The following CNIH3 variants were observed in gnomAD, a reference collection of about 807,000 sequenced individuals.
The protein encoded by CNIH3 is protein cornichon homolog 3.
In CNIH3, 14 loss-of-function variants were observed where a neutral mutation model predicts 24.1. That is an observed-to-expected ratio of 0.58 (90% CI 0.38 to 0.91). The LOEUF (loss-of-function observed/expected upper bound fraction) is 0.91, where lower values mean the gene tolerates loss of function less well. CNIH3 is among the 40% of genes least tolerant of loss of function. The pLI, the probability that CNIH3 is intolerant of heterozygous loss-of-function variation, is 0.00. For missense variants in CNIH3, 178 were observed against 196.8 expected (o/e 0.90, Z 0.57); for synonymous variants, 68 against 73.8 (o/e 0.92, Z 0.40).
chr1:224,490,234 T>C (rs1268317072), intron 1 of CNIH3, among the ~76,000 whole-genome samples: 5 of 152,228 alleles, frequency 3.3e-5, no homozygotes, highest in African/African-American at 1.2e-4. Flanking sequence ...GGTGTTTTTC[T>C]TGTGTGATAT....
Position 224,616,522 on chromosome 1 carries a change from GGCGCGCCTCGGA to G in CNIH3, c.-648_-637del. The G allele has an allele frequency of 1.0e-6, 1 of 987,242 alleles. No individual in the cohort carries two copies. The highest frequency in any genetic ancestry group is 1.2e-6 in the Non-Finnish European group (1 of 830,948). The allele number at this position is 987,242 out of a possible 1,614,324, so 61.2% of individuals were successfully genotyped here. On this transcript the variant is annotated 5_prime_UTR_variant, in exon 1 of 6. Transcript: ENST00000272133. ...CTGGCCGGAGTCACGGTTGGGGACG[GGCGCGCCTCGGA>G]GCGCACGGCTGCGCTGGAAGCCGCG...
In CNIH3 at chr1:224,546,486, A is replaced by T. The variant is rs542163402; in HGVS notation, n.340-343A>T. On this transcript the variant is annotated intron_variant and non_coding_transcript_variant, in intron 2 of 5. Transcript: ENST00000471578. ...TGTAGTCAACCTGGAGGGGGTAATGAATGCTGAGCAGCGTCAGGGGAAATT... is the reference window on the plus strand; with the variant it reads ...TGTAGTCAACCTGGAGGGGGTAATGTATGCTGAGCAGCGTCAGGGGAAATT... 3.9e-5 allele frequency among the ~76,000 whole-genome samples: 6 copies of T among 152,252 alleles called. No individual in the cohort carries two copies. In the South Asian group the frequency reaches 1.2e-3, roughly 32 times the overall value.
At chr1:224,730,425 C>T (rs1011872189) in intron 3 of CNIH3, 37 bp from the exon 4 acceptor site, 32 of 1,379,622 alleles carry the variant, frequency 2.3e-5, no homozygotes, top group Non-Finnish European at 2.7e-5. Context: ...GCGTTTTCCT[C>T]CTCTAACTCA....
intron 4 of CNIH3, chr1:224,574,620 C>T (rs1485486561): frequency 3.5e-6 from 3 of 852,596 alleles, no homozygotes; most frequent in Non-Finnish European, 6.2e-6. Context: ...TCGGGAGAAG[C>T]TCAGGGAGCA....
intron 1 of CNIH3, among the ~76,000 whole-genome samples, chr1:224,650,338 C>T (rs952949562): frequency 1.3e-5 from 2 of 152,074 alleles, no homozygotes; most frequent in Admixed American, 1.3e-4. Context: ...TCTCTGGACT[C>T]GATCAAGCAG....
At chr1:224,670,222 G>A (rs1685798194) in intron 1 of CNIH3, among the ~76,000 whole-genome samples, 1 of 152,122 alleles carries the variant, frequency 6.6e-6, no homozygotes, top group Admixed American at 6.5e-5. Context: ...ATGGAGCCGG[G>A]GTGGTCCATT....
At chr1:224,463,773 A>ATTTATTTAT (rs1676034230) in intron 1 of CNIH3, among the ~76,000 whole-genome samples, 3 of 20,706 alleles carry the variant, frequency 1.4e-4, no homozygotes, top group Admixed American at 8.9e-4. Context: ...AATTGTCCTC[A>ATTTATTTAT]TTTTTTTTTT....
At chr1:224,713,593 A>G (rs939776333) in intron 3 of CNIH3, among the ~76,000 whole-genome samples, 19 of 152,212 alleles carry the variant, frequency 1.2e-4, no homozygotes, top group Non-Finnish European at 2.5e-4. Context: ...TGCAAGGAAT[A>G]CATATGATAA....
Position 224,739,900 on chromosome 1 carries a change from G to A in CNIH3, c.*544G>A, listed in dbSNP as rs867491761. Reference sequence around the variant, plus strand: ...TTTCTCAAATGGGAGGGGCTGGAGGGTGTGTGGGATTTGTCTTCAGCTGCA... The same window carrying A: ...TTTCTCAAATGGGAGGGGCTGGAGGATGTGTGGGATTTGTCTTCAGCTGCA... On this transcript the variant is annotated 3_prime_UTR_variant, in exon 6 of 6. Coordinates refer to ENST00000272133, the MANE Select transcript of CNIH3 (RefSeq NM_152495.2). 1 of 152,960 alleles carries A rather than the reference G, an allele frequency of 6.5e-6. No homozygotes were observed. Among genetic ancestry groups the A allele is most frequent in the Non-Finnish European group, 1.5e-5 (1 of 68,668 alleles). 9.5% of individuals were successfully genotyped at this position (152,960 alleles called of 1,614,324 possible).
intron 5 of CNIH3, among the ~76,000 whole-genome samples, chr1:224,737,993 G>A (rs756646805): frequency 2.6e-5 from 4 of 152,218 alleles, no homozygotes; most frequent in Non-Finnish European, 5.9e-5. Context: ...CCACCCTCCT[G>A]CGTGGTTATT....
chr1:224,625,108 T>TGG (rs942738290), intron 1 of CNIH3, among the ~76,000 whole-genome samples: 1 of 152,182 alleles, frequency 6.6e-6, no homozygotes, highest in African/African-American at 2.4e-5. Context: ...GTGTCCAGCA[T>TGG]GGGGCAGTAT....
chr1:224,729,031 G>T (rs887809988), intron 3 of CNIH3, among the ~76,000 whole-genome samples: 1 of 152,150 alleles, frequency 6.6e-6, no homozygotes. Flanking sequence ...GTACCCCTGG[G>T]AGGGGGTCAG....
intron 1 of CNIH3, among the ~76,000 whole-genome samples, chr1:224,641,187 C>T (rs1684342493): frequency 6.6e-6 from 1 of 152,182 alleles, no homozygotes; most frequent in African/African-American, 2.4e-5. Flanking sequence ...CGGCACTACC[C>T]TGCTGCTGCC....
rs373350888 is a variant in CNIH3, at chr1:224,449,941, ACCAT to A, written n.203+15084_203+15087del. ...TGAATGGATTCTTCCATTCATCCAA[ACCAT>A]CCATTCATTCTTTCAACACACACAC... On this transcript the variant is annotated intron_variant and non_coding_transcript_variant, in intron 1 of 5. Transcript: ENST00000471578. 7.2e-3 allele frequency among the ~76,000 whole-genome samples: 1,094 copies of A among 151,816 alleles called. 10 individuals are homozygous for A. Among genetic ancestry groups the A allele is most frequent in the African/African-American group, 0.025 (1,028 of 41,366 alleles).
chr1:224,529,509 T>C (rs1678979147), intron 2 of CNIH3: 2 of 152,128 alleles, frequency 1.3e-5, no homozygotes. Context: ...ATCAAAGTAC[T>C]CAATATTAGC....
chr1:224,557,351 T>C (rs963006255), intron 3 of CNIH3, among the ~76,000 whole-genome samples: 5 of 151,878 alleles, frequency 3.3e-5, no homozygotes, highest in African/African-American at 1.2e-4. Flanking sequence ...CCCAGCCCAC[T>C]TTCCCCTCTT....
rs959453776 is a variant in CNIH3 at position 224,670,572 on chromosome 1, G to A, written c.82-10386G>A. Among the ~76,000 whole-genome samples the A allele has an allele frequency of 2.0e-5, 3 of 152,296 alleles. No homozygotes were observed. The East Asian group carries it at 5.8e-4, about 29-fold the overall frequency. On this transcript the variant is annotated intron_variant, in intron 1 of 5. Coordinates refer to ENST00000272133, the MANE Select transcript of CNIH3 (RefSeq NM_152495.2). ...TCTGAGGGTGAGAGTGCCAGGACAGGTCCTCTTCTTCTCTGGTCCTGAGGC... is the reference window on the plus strand; with the variant it reads ...TCTGAGGGTGAGAGTGCCAGGACAGATCCTCTTCTTCTCTGGTCCTGAGGC...
At chr1:224,547,784 T>C (rs1459397529) in intron 3 of CNIH3, among the ~76,000 whole-genome samples, 3 of 152,042 alleles carry the variant, frequency 2.0e-5, no homozygotes, top group African/African-American at 4.8e-5. Flanking sequence ...GAATGAGATA[T>C]TACTTCCAAT....
chr1:224,675,900 T>C (rs188407698), intron 1 of CNIH3, among the ~76,000 whole-genome samples: 314 of 152,346 alleles, frequency 2.1e-3, no homozygotes, highest in Non-Finnish European at 3.6e-3. Flanking sequence ...CTTGTGGGAA[T>C]GCAAAATAGT....
Sources: allele counts gnomAD v4.1 joint callset (sites outside exome capture counted in the v4.1 genomes callset), GRCh38; gene constraint gnomAD v4.1.1; transcripts MANE v1.5; gene names NCBI Gene and HGNC (gene_info 2026-07-23, HGNC 2026-07-21).